The following WDR27 variants were observed in gnomAD, a reference collection of about 807,000 sequenced individuals.
The protein encoded by WDR27 is WD repeat-containing protein 27.
In WDR27, 100 loss-of-function variants were observed where a neutral mutation model predicts 114.4. The observed-to-expected ratio is 0.87, with a 90% CI of 0.74 to 1.03. WDR27 has a LOEUF of 1.03. WDR27 is among the 50% of genes least tolerant of loss of function. The probability of loss-of-function intolerance (pLI) is 0.00; values close to 1 mark genes in which losing one functional copy is unlikely to be tolerated. For synonymous variants in WDR27, 449 were observed against 423.1 expected, an observed-to-expected ratio of 1.06 and a Z score of -0.75; for missense variants, 1,129 against 1,092.9, an observed-to-expected ratio of 1.03 and a Z score of -0.47.
chr6:169,508,915 G>A (rs1438566042), intron 25 of WDR27, among the ~76,000 whole-genome samples: 2 of 152,146 alleles, frequency 1.3e-5, no homozygotes, highest in African/African-American at 4.8e-5. Flanking sequence ...TACATGTCCT[G>A]AGCTGCCCTC....
chr6:169,699,908 G>C lies in WDR27; in HGVS notation c.-8+1643C>G, dbSNP rs533203661. On this transcript the variant is annotated intron_variant, in intron 1 of 25. Transcript: ENST00000448612. ...GAGGTGGGAGGATCGTTTGAGCCAC[G>C]GAGGTTGAAGCTATAGTGAGCTGTG... 3.9e-5 allele frequency among the ~76,000 whole-genome samples: 6 copies of C among 152,190 alleles called. No homozygotes were observed. The East Asian group carries it at 1.2e-3, about 29-fold the overall frequency.
At chr6:169,500,266 T>C (rs1790981648) in intron 25 of WDR27, among the ~76,000 whole-genome samples, 1 of 152,158 alleles carries the variant, frequency 6.6e-6, no homozygotes, top group Non-Finnish European at 1.5e-5. Context: ...TGGAAAATGA[T>C]GGTGCGTTTT....
chr6:169,641,919 G>C (rs966323731), intron 17 of WDR27, among the ~76,000 whole-genome samples: 5 of 152,254 alleles, frequency 3.3e-5, no homozygotes, highest in African/African-American at 1.2e-4. Flanking sequence ...CTCTGTGCCA[G>C]GCACATGCTC....
At chr6:169,696,797 C>G (rs1786167922) in intron 1 of WDR27, among the ~76,000 whole-genome samples, 1 of 152,148 alleles carries the variant, frequency 6.6e-6, no homozygotes, top group African/African-American at 2.4e-5. Context: ...GCCTGTAGTC[C>G]CAGCTACTTG....
At chr6:169,535,868 G>A (rs936274261) in intron 25 of WDR27, among the ~76,000 whole-genome samples, 6 of 152,212 alleles carry the variant, frequency 3.9e-5, no homozygotes, top group African/African-American at 9.6e-5. Flanking sequence ...CTGACACCCA[G>A]TGTATTCACT....
intron 25 of WDR27, among the ~76,000 whole-genome samples, chr6:169,532,623 T>G (rs148118729): frequency 6.6e-6 from 1 of 152,324 alleles, no homozygotes; most frequent in East Asian, 1.9e-4. Flanking sequence ...ATTTGAAGTT[T>G]TGTTTACTTT....
Position 169,614,451 on chromosome 6 carries a change from C to T in WDR27, c.2224-795G>A, listed in dbSNP as rs370269950. Among the ~76,000 whole-genome samples, 3 of 152,124 alleles carry T rather than the reference C, an allele frequency of 2.0e-5. No homozygotes were observed. The East Asian group carries it at 5.8e-4, about 29-fold the overall frequency. ...CTGTAATCCCAGCACTTTGGGAGGC[C>T]AAGGCGGGCAGATCACCTGAGGTCA... On this transcript the variant is annotated intron_variant, in intron 21 of 25. Transcript: ENST00000448612.
intron 2 of WDR27, among the ~76,000 whole-genome samples, chr6:169,675,351 A>G (rs1209737786): frequency 6.6e-6 from 1 of 152,098 alleles, no homozygotes; most frequent in East Asian, 1.9e-4. Context: ...TTTGCCTTCC[A>G]CCATGATTGT....
intron 23 of WDR27, among the ~76,000 whole-genome samples, chr6:169,593,173 T>C (rs1806091740): frequency 6.6e-6 from 1 of 152,236 alleles, no homozygotes; most frequent in Non-Finnish European, 1.5e-5. Context: ...CTTATTTCTC[T>C]ATGCTTTAAA....
chr6:169,612,056 A>G (rs924221881), intron 22 of WDR27, among the ~76,000 whole-genome samples: 1 of 151,888 alleles, frequency 6.6e-6, no homozygotes, highest in Admixed American at 6.6e-5. Flanking sequence ...GAATGGCTTG[A>G]ACCTGGGAGG....
intron 25 of WDR27, among the ~76,000 whole-genome samples, chr6:169,461,881 AAAAT>A (rs987645477): frequency 6.6e-6 from 1 of 152,080 alleles, no homozygotes; most frequent in East Asian, 1.9e-4. Context: ...TGGACTAAGA[AAAAT>A]AAATAAGTGA....
chr6:169,590,112 A>C (rs572124370), intron 23 of WDR27, among the ~76,000 whole-genome samples: 24 of 152,360 alleles, frequency 1.6e-4, no homozygotes, highest in African/African-American at 5.8e-4. Context: ...AAACAGGACT[A>C]CACCGATTCA....
Position 169,462,479 on chromosome 6 carries a change from G to GA in WDR27, c.2646-4846_2646-4845insT, listed in dbSNP as rs1554263553. ...CAGAGAGAGGGAGGGAGGAGAGGGG[G>GA]GAGAGAGAGAGAGAAAGAAAGAAAG... On this transcript the variant is annotated intron_variant, in intron 25 of 25. Transcript: ENST00000448612. Among the ~76,000 whole-genome samples, 125 of 150,358 alleles carry GA rather than the reference G, an allele frequency of 8.3e-4. 1 individual carries two copies. Among genetic ancestry groups the GA allele is most frequent in the Middle Eastern group, 3.4e-3 (1 of 294 alleles).
chr6:169,505,186 C>T (rs1290501713), intron 25 of WDR27, among the ~76,000 whole-genome samples: 2 of 152,112 alleles, frequency 1.3e-5, no homozygotes, highest in Non-Finnish European at 2.9e-5. Flanking sequence ...GAATACTGCT[C>T]ATTAAGTTAT....
At chr6:169,474,341 T>C (rs1786842239) in intron 25 of WDR27, among the ~76,000 whole-genome samples, 1 of 152,196 alleles carries the variant, frequency 6.6e-6, no homozygotes, top group Admixed American at 6.5e-5. Context: ...GAATTAGAAT[T>C]AGTTGACAAT....
At chr6:169,527,966 T>C (rs545169206) in intron 25 of WDR27, among the ~76,000 whole-genome samples, 1 of 152,282 alleles carries the variant, frequency 6.6e-6, no homozygotes, top group African/African-American at 2.4e-5. Context: ...ATGACAAATT[T>C]GGCATTTCTA....
intron 2 of WDR27, among the ~76,000 whole-genome samples, chr6:169,683,830 C>G (rs1274554393): frequency 6.6e-6 from 1 of 152,198 alleles, no homozygotes; most frequent in Non-Finnish European, 1.5e-5. Flanking sequence ...CCCTGCAAGC[C>G]CTGAGCCTAG....
chr6:169,512,522 T>A (rs1183111884), intron 25 of WDR27, among the ~76,000 whole-genome samples: 4 of 152,204 alleles, frequency 2.6e-5, no homozygotes, highest in Non-Finnish European at 5.9e-5. Flanking sequence ...TTAGCTACTT[T>A]ACTCTAGAGG....
intron 1 of WDR27, among the ~76,000 whole-genome samples, chr6:169,692,778 C>A (rs924917913): frequency 6.6e-6 from 1 of 152,196 alleles, no homozygotes; most frequent in Non-Finnish European, 1.5e-5. Flanking sequence ...CTGCAGCAAG[C>A]CCTGCCCAGG....
Sources: allele counts gnomAD v4.1 joint callset (sites outside exome capture counted in the v4.1 genomes callset), GRCh38; gene constraint gnomAD v4.1.1; transcripts MANE v1.5; gene names NCBI Gene and HGNC (gene_info 2026-07-23, HGNC 2026-07-21).